SOX6: variants seen among roughly 807,000 people sequenced by gnomAD.
SOX6 encodes the protein SRY-box transcription factor 6, also known as transcription factor SOX-6.
A neutral mutation model predicts 97.8 loss-of-function variants in SOX6; 11 were observed. The observed-to-expected ratio is 0.11, with a 90% CI of 0.07 to 0.19. The LOEUF is 0.19. Ranked by LOEUF, SOX6 falls within the 10% of genes least tolerant of loss-of-function variation. The pLI, the probability that SOX6 is intolerant of heterozygous loss-of-function variation, is 1.00. For missense variants in SOX6, 810 were observed against 1,039.5 expected (o/e 0.78, Z 3.04); for synonymous variants, 360 against 371.4 (o/e 0.97, Z 0.35).
rs1241649780 is a variant in SOX6 at position 16,341,102 on chromosome 11, G to A, written c.147C>T (p.Asn49=). Residue 49 remains asparagine (N), a synonymous_variant, in exon 2 of 16, where the codon AAC becomes AAT. Coordinates refer to ENST00000683767, the MANE Select transcript of SOX6 (RefSeq NM_001367873.1). ...TTGGTAGCTCCTCAGAGTGAGGTTT[G>A]TTGTGCATTATGGGGTGCAGAGGCA... ...SHLPLHPIMH[N]KPHSEELPTL... 1.9e-6 allele frequency: 3 copies of A among 1,613,534 alleles called. No individual in the cohort carries two copies. Among genetic ancestry groups the A allele is most frequent in the Non-Finnish European group, 2.5e-6 (3 of 1,179,578 alleles).
chr11:16,337,370 A>G (rs964432756), intron 2 of SOX6, among the ~76,000 whole-genome samples: 14 of 152,170 alleles, frequency 9.2e-5, no homozygotes, highest in African/African-American at 2.7e-4. Flanking sequence ...ACAATCTAGC[A>G]GATAATTATT....
At chr11:16,321,454 T>A (rs1439103627) in intron 2 of SOX6, among the ~76,000 whole-genome samples, 1 of 152,106 alleles carries the variant, frequency 6.6e-6, no homozygotes, top group Admixed American at 6.6e-5. Flanking sequence ...TAGATTGTCC[T>A]GAGAGCATTT....
intron 3 of SOX6, among the ~76,000 whole-genome samples, chr11:16,701,752 G>T (rs1386126958): frequency 6.7e-6 from 1 of 148,354 alleles, no homozygotes; most frequent in Non-Finnish European, 1.5e-5. Flanking sequence ...GCTACTCAGG[G>T]GCGGGCGGGA....
At chr11:16,034,290 C>A (rs150875309) in intron 12 of SOX6, among the ~76,000 whole-genome samples, 1 of 152,148 alleles carries the variant, frequency 6.6e-6, no homozygotes, top group Non-Finnish European at 1.5e-5. Context: ...TTTTACAAGA[C>A]ACCCTTTGTG....
chr11:16,058,447 T>A (rs1296406373), intron 9 of SOX6, among the ~76,000 whole-genome samples: 1 of 152,078 alleles, frequency 6.6e-6, no homozygotes, highest in African/African-American at 2.4e-5. Flanking sequence ...TGTTCATATA[T>A]AACAGCAACG....
chr11:16,413,677 T>C (rs1186012683), intron 1 of SOX6, among the ~76,000 whole-genome samples: 6 of 151,754 alleles, frequency 4.0e-5, no homozygotes, highest in Non-Finnish European at 8.8e-5. Context: ...CCTGCCACCA[T>C]GTCCAGCAAA....
chr11:16,684,973 C>T (rs926421733), intron 3 of SOX6, among the ~76,000 whole-genome samples: 2 of 151,926 alleles, frequency 1.3e-5, no homozygotes, highest in South Asian at 2.1e-4. Context: ...GCAAGAGGTG[C>T]GTAAGGTGCC....
At chr11:16,229,651 G>T (rs1191407340) in intron 4 of SOX6, among the ~76,000 whole-genome samples, 1 of 151,782 alleles carries the variant, frequency 6.6e-6, no homozygotes, top group Non-Finnish European at 1.5e-5. Context: ...AATGAGATTT[G>T]AAAATCTCAT....
At chr11:16,691,026 C>A (rs933596872) in intron 3 of SOX6, among the ~76,000 whole-genome samples, 1 of 152,186 alleles carries the variant, frequency 6.6e-6, no homozygotes, top group African/African-American at 2.4e-5. Flanking sequence ...AACTACGAGT[C>A]CTTGCAGTCT....
intron 4 of SOX6, among the ~76,000 whole-genome samples, chr11:16,483,237 T>C (rs77364949): frequency 0.015 from 2,305 of 152,292 alleles, 64 homozygotes; most frequent in African/African-American, 0.053. Flanking sequence ...AAGTATAATA[T>C]AGTAAATGCT....
intron 1 of SOX6, among the ~76,000 whole-genome samples, chr11:16,444,145 A>G (rs1004229774): frequency 1.3e-5 from 2 of 152,090 alleles, no homozygotes; most frequent in Non-Finnish European, 2.9e-5. Context: ...AAAAAAAAGT[A>G]AGTTGTTTTA....
At position 15,972,672 on chromosome 11, in the gene SOX6, TCACACTTTAC is replaced by T; in HGVS notation, c.*127_*136del. ...AAAATCAGGGAAAACTTAATCTGTC[TCACACTTTAC>T]GAAACAATTAAGACCATTCTGCTGA... On this transcript the variant is annotated 3_prime_UTR_variant, in exon 16 of 16. Transcript: ENST00000683767. The T allele has an allele frequency of 2.1e-6, 2 of 931,084 alleles. No homozygotes were observed. Among genetic ancestry groups the T allele is most frequent in the Non-Finnish European group, 3.4e-6 (2 of 593,836 alleles). 57.7% of individuals were successfully genotyped at this position (931,084 alleles called of 1,614,324 possible). A position where few individuals can be genotyped will look rare whatever the true frequency, so the allele number is the denominator to read the frequency against.
At chr11:16,022,281 C>T (rs1002585398) in intron 12 of SOX6, among the ~76,000 whole-genome samples, 1 of 151,402 alleles carries the variant, frequency 6.6e-6, no homozygotes, top group Non-Finnish European at 1.5e-5. Context: ...AACAATAGAA[C>T]AATACATAAC....
At chr11:16,317,579 G>A (rs1319569719) in intron 3 of SOX6, 4 of 154,500 alleles carry the variant, frequency 2.6e-5, no homozygotes, top group African/African-American at 4.8e-5. Flanking sequence ...AGACTTCTAC[G>A]AAAATTAATT....
chr11:16,150,176 T>C (rs980523823), intron 6 of SOX6, among the ~76,000 whole-genome samples: 2 of 152,154 alleles, frequency 1.3e-5, no homozygotes, highest in Non-Finnish European at 2.9e-5. Context: ...ACAATATTGA[T>C]TACAGAAGTG....
At chr11:16,490,930 C>T (rs2133132467) in intron 4 of SOX6, among the ~76,000 whole-genome samples, 1 of 152,174 alleles carries the variant, frequency 6.6e-6, no homozygotes, top group South Asian at 2.1e-4. Context: ...AACATCATAC[C>T]ATGATTCTTA....
chr11:16,016,928 A>G (rs1343631079), intron 12 of SOX6, among the ~76,000 whole-genome samples: 1 of 152,072 alleles, frequency 6.6e-6, no homozygotes, highest in Non-Finnish European at 1.5e-5. Context: ...AGACCGTGCT[A>G]TCTATCAATA....
chr11:16,688,980 T>C (rs1381929758), intron 3 of SOX6, among the ~76,000 whole-genome samples: 3 of 152,230 alleles, frequency 2.0e-5, no homozygotes, highest in African/African-American at 4.8e-5. Flanking sequence ...TCCAGCAGTA[T>C]ATAGTCTAAT....
intron 1 of SOX6, among the ~76,000 whole-genome samples, chr11:16,459,722 G>A (rs942667744): frequency 3.3e-5 from 5 of 151,878 alleles, no homozygotes; most frequent in Non-Finnish European, 5.9e-5. Context: ...TAGACACTGC[G>A]GGACAAAAAT....
Sources: allele counts gnomAD v4.1 joint callset (sites outside exome capture counted in the v4.1 genomes callset), GRCh38; gene constraint gnomAD v4.1.1; transcripts MANE v1.5; gene names NCBI Gene and HGNC (gene_info 2026-07-23, HGNC 2026-07-21).